SCN11A: variants seen among roughly 807,000 people sequenced by gnomAD.
The protein encoded by SCN11A is sodium voltage-gated channel alpha subunit 11.
A neutral mutation model predicts 162.2 loss-of-function variants in SCN11A; 122 were observed. The observed-to-expected ratio is 0.75, with a 90% CI of 0.65 to 0.87. The LOEUF (loss-of-function observed/expected upper bound fraction) is 0.87, where lower values mean the gene tolerates loss of function less well. SCN11A is among the 40% of genes least tolerant of loss of function. SCN11A has a pLI of 0.00. For missense variants in SCN11A, 2,015 were observed against 2,181.6 expected, an observed-to-expected ratio of 0.92 and a Z score of 1.52; for synonymous variants, 758 against 751.5, an observed-to-expected ratio of 1.01 and a Z score of -0.14.
intron 2 of SCN11A, among the ~76,000 whole-genome samples, chr3:38,996,792 C>A (rs944792453): frequency 6.6e-6 from 1 of 152,150 alleles, no homozygotes; most frequent in Non-Finnish European, 1.5e-5. Context: ...GAAGGAGAGT[C>A]AACTGGACAT....
At chr3:39,051,654 G>GGA (rs1392256992) in intron 1 of SCN11A, among the ~76,000 whole-genome samples, 1 of 152,118 alleles carries the variant, frequency 6.6e-6, no homozygotes, top group Non-Finnish European at 1.5e-5. Flanking sequence ...GGAAAGGTCA[G>GGA]GAGATGGTCC....
intron 26 of SCN11A, among the ~76,000 whole-genome samples, chr3:38,868,720 TA>T (rs777371574): frequency 2.6e-5 from 4 of 152,124 alleles, no homozygotes; most frequent in Non-Finnish European, 5.9e-5. Flanking sequence ...TGGAATGCAG[TA>T]AATTGAGGGA....
At chr3:38,939,647 T>G (rs1455730138) in intron 7 of SCN11A, among the ~76,000 whole-genome samples, 1 of 152,192 alleles carries the variant, frequency 6.6e-6, no homozygotes, top group Non-Finnish European at 1.5e-5. Context: ...CTCTTGCCTG[T>G]AATCCCAGCA....
intron 8 of SCN11A, 97 bp downstream of exon 8, chr3:38,926,706 C>T: frequency 7.9e-7 from 1 of 1,267,852 alleles, no homozygotes; most frequent in South Asian, 1.4e-5. Flanking sequence ...CTAGGCCATA[C>T]TCAGCCACTC....
intron 2 of SCN11A, among the ~76,000 whole-genome samples, chr3:38,965,311 A>G (rs1266002857): frequency 2.0e-5 from 3 of 152,192 alleles, no homozygotes; most frequent in Non-Finnish European, 2.9e-5. Flanking sequence ...CCTTTCTGAG[A>G]CCCAGCCCTG....
At position 38,905,279 on chromosome 3, in the gene SCN11A, A is replaced by G. The variant is rs1430435269; in HGVS notation, c.1516T>C (p.Ser506Pro). Residue 506 changes from serine (S) to proline (P), a missense_variant, in exon 15 of 30, where the codon TCA becomes CCA. Coordinates refer to ENST00000302328, the MANE Select transcript of SCN11A (RefSeq NM_001349253.2). The stretch of plus-strand genomic sequence containing the variant: ...CCATGCTCATCAAAGTGGTCCAGTG[A>G]TAGATTCTGGGACAGTCGTTTGGTT... ...EQTKRLSQNL[S>P]LDHFDEHGDP... The G allele has an allele frequency of 6.2e-7, 1 of 1,614,086 alleles. No individual in the cohort carries two copies. The highest frequency in any genetic ancestry group is 2.2e-5 in the East Asian group (1 of 44,880).
At chr3:38,919,003 C>A (rs1361824819) in intron 11 of SCN11A, among the ~76,000 whole-genome samples, 2 of 152,180 alleles carry the variant, frequency 1.3e-5, no homozygotes, top group African/African-American at 4.8e-5. Flanking sequence ...GCCTATTGTT[C>A]CTAGGCTACA....
At chr3:38,935,456 T>G (rs2066315302) in intron 7 of SCN11A, among the ~76,000 whole-genome samples, 1 of 151,806 alleles carries the variant, frequency 6.6e-6, no homozygotes, top group Non-Finnish European at 1.5e-5. Context: ...TTTGAAAGGA[T>G]CAACAAAACT....
intron 7 of SCN11A, among the ~76,000 whole-genome samples, chr3:38,943,291 A>G (rs755591870): frequency 2.0e-5 from 3 of 152,196 alleles, no homozygotes; most frequent in Non-Finnish European, 4.4e-5. Context: ...AATGACAGAA[A>G]TGAGATCGAT....
At chr3:38,852,140 A>T (rs2064792422) in intron 28 of SCN11A, among the ~76,000 whole-genome samples, 1 of 152,096 alleles carries the variant, frequency 6.6e-6, no homozygotes, top group African/African-American at 2.4e-5. Context: ...AAACCACGGG[A>T]GTGAATTATA....
intron 7 of SCN11A, 53 bp downstream of exon 7, chr3:38,945,358 T>C (rs2066500269): frequency 8.9e-7 from 1 of 1,128,938 alleles, no homozygotes; most frequent in African/African-American, 1.5e-5. Flanking sequence ...TTAACTGTCT[T>C]AGGTATATTT....
chr3:39,030,957 A>C (rs2031733662), intron 2 of SCN11A, among the ~76,000 whole-genome samples: 1 of 152,200 alleles, frequency 6.6e-6, no homozygotes, highest in South Asian at 2.1e-4. Context: ...CATATTCGCC[A>C]GTTAGTTCAA....
At chr3:38,862,187 A>G (rs1177951033) in intron 28 of SCN11A, among the ~76,000 whole-genome samples, 1 of 152,220 alleles carries the variant, frequency 6.6e-6, no homozygotes, top group Admixed American at 6.5e-5. Context: ...CCACAATGGG[A>G]TGCCACCTTA....
At chr3:38,929,136 C>CGT (rs113467940) in intron 7 of SCN11A, among the ~76,000 whole-genome samples, 8 of 49,136 alleles carry the variant, frequency 1.6e-4, no homozygotes, top group Non-Finnish European at 4.6e-4. Context: ...TCTGTGCACG[C>CGT]ACACACACAC....
At chr3:38,930,937 A>G (rs1358944760) in intron 7 of SCN11A, among the ~76,000 whole-genome samples, 1 of 152,148 alleles carries the variant, frequency 6.6e-6, no homozygotes, top group Non-Finnish European at 1.5e-5. Context: ...ATGGCCTCAG[A>G]GCAAATTACC....
Position 38,926,847 on chromosome 3 carries a change from A to G in SCN11A, c.573T>C (p.Leu191=). Reference sequence around the variant, plus strand: ...AGTCCAGCCAGTTCCATGGATCTCGAAGGAAAGAAAACTCATCCAGAATGA... The same window carrying G: ...AGTCCAGCCAGTTCCATGGATCTCGGAGGAAAGAAAACTCATCCAGAATGA... The part of the protein sequence containing the change: ...RGFILDEFSF[L]RDPWNWLDSI... Residue 191 remains leucine, a synonymous_variant, in exon 8 of 30, where the codon CTT becomes CTC. Transcript: ENST00000302328. 1 of 1,613,708 alleles carries G rather than the reference A, an allele frequency of 6.2e-7. No homozygotes were observed. Among genetic ancestry groups the G allele is most frequent in the Non-Finnish European group, 8.5e-7 (1 of 1,179,564 alleles).
At chr3:38,944,693 G>A (rs1037812466) in intron 7 of SCN11A, among the ~76,000 whole-genome samples, 1 of 151,282 alleles carries the variant, frequency 6.6e-6, no homozygotes, top group Non-Finnish European at 1.5e-5. Context: ...GCGTGCAGTG[G>A]CTCACGCCTG....
At chr3:39,047,655 T>C (rs994330276) in intron 1 of SCN11A, among the ~76,000 whole-genome samples, 1 of 151,778 alleles carries the variant, frequency 6.6e-6, no homozygotes, top group African/African-American at 2.4e-5. Flanking sequence ...ATCCAGGAAG[T>C]ATAAAAAACT....
intron 5 of SCN11A, among the ~76,000 whole-genome samples, chr3:38,949,736 TA>T (rs1258653784): frequency 1.3e-5 from 2 of 152,208 alleles, no homozygotes; most frequent in African/African-American, 4.8e-5. Flanking sequence ...TGAAGATTAG[TA>T]AAGTGACTTG....
Sources: allele counts gnomAD v4.1 joint callset (sites outside exome capture counted in the v4.1 genomes callset), GRCh38; gene constraint gnomAD v4.1.1; transcripts MANE v1.5; gene names NCBI Gene and HGNC (gene_info 2026-07-23, HGNC 2026-07-21).